The following RIMS1 variants were observed in gnomAD, a reference collection of about 807,000 sequenced individuals.
RIMS1 encodes regulating synaptic membrane exocytosis protein 1.
RIMS1 carries 83 observed loss-of-function variants against 214.1 expected under a neutral mutation model. The observed-to-expected ratio is 0.39, with a 90% CI of 0.32 to 0.47. The LOEUF (loss-of-function observed/expected upper bound fraction) is 0.47. Among genes scored for constraint, RIMS1 ranks in the 20% least tolerant of loss-of-function variants. The pLI is 0.99. For missense variants in RIMS1, 2,050 were observed against 2,161.8 expected (o/e 0.95, Z 1.03); for synonymous variants, 793 against 786.8 (o/e 1.01, Z -0.13).
At chr6:72,049,321 G>A (rs556120074) in intron 2 of RIMS1, among the ~76,000 whole-genome samples, 6 of 152,070 alleles carry the variant, frequency 3.9e-5, no homozygotes, top group South Asian at 4.2e-4. Context: ...TTCAGAGCCC[G>A]TATTTGGGAA....
Position 71,980,386 on chromosome 6 carries a change from A to C in RIMS1, c.245+11323A>C, listed in dbSNP as rs544836840. 2.0e-5 allele frequency among the ~76,000 whole-genome samples: 3 copies of C among 152,264 alleles called. No individual in the cohort carries two copies. The South Asian group carries it at 6.2e-4, about 32-fold the overall frequency. On this transcript the variant is annotated intron_variant, in intron 2 of 33. Transcript: ENST00000521978. Reference sequence around the variant, plus strand: ...GCACTCATGTATTATATGTATAACAAATCTTAAACATTATTAATGTGGGTA... The same window carrying C: ...GCACTCATGTATTATATGTATAACACATCTTAAACATTATTAATGTGGGTA...
At chr6:72,185,705 G>A (rs532783866) in intron 6 of RIMS1, among the ~76,000 whole-genome samples, 3 of 152,284 alleles carry the variant, frequency 2.0e-5, no homozygotes, top group South Asian at 2.1e-4. Flanking sequence ...GGTGGAAAAA[G>A]GATTGGTACC....
intron 1 of RIMS1, among the ~76,000 whole-genome samples, chr6:71,965,839 G>A (rs1246369386): frequency 6.6e-6 from 1 of 152,118 alleles, no homozygotes; most frequent in Non-Finnish European, 1.5e-5. Context: ...AGTCAGCATT[G>A]TGGCAGCTTT....
chr6:72,021,382 G>A (rs952856834), intron 2 of RIMS1, among the ~76,000 whole-genome samples: 1 of 152,214 alleles, frequency 6.6e-6, no homozygotes, highest in Admixed American at 6.5e-5. Context: ...GTATTTGCCA[G>A]TGATATACTC....
At chr6:72,237,285 G>C (rs2064599813) in intron 8 of RIMS1, among the ~76,000 whole-genome samples, 1 of 151,724 alleles carries the variant, frequency 6.6e-6, no homozygotes, top group South Asian at 2.1e-4. Context: ...AAAGAAAAGA[G>C]AAAGAAAGAA....
intron 2 of RIMS1, among the ~76,000 whole-genome samples, chr6:71,981,188 G>T (rs1798385367): frequency 6.6e-6 from 1 of 152,030 alleles, no homozygotes. Context: ...AACAATAACT[G>T]CAATTATATG....
chr6:72,152,766 A>G (rs1006104267), intron 4 of RIMS1, among the ~76,000 whole-genome samples: 2 of 125,848 alleles, frequency 1.6e-5, no homozygotes, highest in African/African-American at 6.3e-5. Context: ...TATATGGAAT[A>G]TATGTATATA....
In RIMS1 at chr6:72,182,852, G is replaced by T; in HGVS notation, c.1381G>T (p.Ala461Ser). 1.3e-6 allele frequency: 2 copies of T among 1,556,130 alleles called. No individual in the cohort carries two copies. The highest frequency in any genetic ancestry group is 1.7e-6 in the Non-Finnish European group (2 of 1,152,496). ...CAGACATGGGCCGGTTCCCGCAGAA[G>T]CCCCGGAGCTCAAAGCCCAGGAGCC... is the stretch of plus-strand genomic sequence containing the variant. ...APRHGPVPAEAPELKAQEPLR... is the reference protein window; with the variant it reads ...APRHGPVPAESPELKAQEPLR... The change falls in exon 6 of 34, where the codon GCC becomes TCC. Residue 461 changes from alanine (A) to serine (S), a missense_variant. This residue lies in a region of RIMS1 where 882 missense variants were observed against 828.9 expected (regional missense o/e 1.06). Coordinates refer to ENST00000521978, the MANE Select transcript of RIMS1 (RefSeq NM_014989.7).
intron 1 of RIMS1, among the ~76,000 whole-genome samples, chr6:71,936,191 G>C (rs1156838817): frequency 6.6e-6 from 1 of 151,560 alleles, no homozygotes; most frequent in Non-Finnish European, 1.5e-5. Context: ...GCCGGGCGTG[G>C]TAGCGGGCGC....
chr6:71,995,836 G>T (rs1803250407), intron 2 of RIMS1, among the ~76,000 whole-genome samples: 1 of 151,968 alleles, frequency 6.6e-6, no homozygotes, highest in South Asian at 2.1e-4. Context: ...GCTCAGGCTG[G>T]AGTGCAGTGG....
At chr6:71,967,901 C>A (rs1359561807) in intron 1 of RIMS1, among the ~76,000 whole-genome samples, 1 of 152,108 alleles carries the variant, frequency 6.6e-6, no homozygotes, top group African/African-American at 2.4e-5. Flanking sequence ...GAGAAATTTG[C>A]CATGCAGCCT....
intron 9 of RIMS1, among the ~76,000 whole-genome samples, chr6:72,240,760 G>A (rs2066506247): frequency 6.6e-6 from 1 of 150,970 alleles, no homozygotes; most frequent in Non-Finnish European, 1.5e-5. Context: ...TGTAATCCCA[G>A]CACTTTGGGA....
intron 4 of RIMS1, among the ~76,000 whole-genome samples, chr6:72,168,706 A>G (rs2046606883): frequency 7.0e-6 from 1 of 143,396 alleles, no homozygotes; most frequent in Non-Finnish European, 1.5e-5. Context: ...GAAGCTGCTG[A>G]TCACTAGTTT....
chr6:71,925,234 T>G (rs1781256557), intron 1 of RIMS1, among the ~76,000 whole-genome samples: 2 of 152,238 alleles, frequency 1.3e-5, no homozygotes, highest in South Asian at 4.1e-4. Context: ...TGATTAAATG[T>G]GACTCCGTCT....
rs189401661 is a variant in RIMS1, at chr6:72,111,039, G to A, written c.471+11053G>A. On this transcript the variant is annotated intron_variant, in intron 4 of 33. Coordinates refer to ENST00000521978, the MANE Select transcript of RIMS1 (RefSeq NM_014989.7). ...CCACCTCAAAACTATTCTTTAAAAAGCAAAGTAATTTTGATGAGTCTGTTT... is the reference window on the plus strand; with the variant it reads ...CCACCTCAAAACTATTCTTTAAAAAACAAAGTAATTTTGATGAGTCTGTTT... Among the ~76,000 whole-genome samples the A allele has an allele frequency of 4.4e-4, 67 of 152,260 alleles. 1 individual carries two copies. The highest frequency in any genetic ancestry group is 2.7e-3 in the Admixed American group (42 of 15,280).
chr6:72,204,958 A>G (rs1197367848), intron 6 of RIMS1, among the ~76,000 whole-genome samples: 1 of 152,086 alleles, frequency 6.6e-6, no homozygotes, highest in Non-Finnish European at 1.5e-5. Flanking sequence ...TTTAATGGCC[A>G]TGCATTTGGG....
intron 29 of RIMS1, among the ~76,000 whole-genome samples, chr6:72,344,724 G>GT (rs1011081620): frequency 1.3e-5 from 2 of 151,682 alleles, no homozygotes; most frequent in Non-Finnish European, 2.9e-5. Context: ...ATTCACTACT[G>GT]TTAATAGAGA....
intron 2 of RIMS1, among the ~76,000 whole-genome samples, chr6:72,070,437 A>C (rs1026422310): frequency 4.6e-5 from 7 of 152,220 alleles, no homozygotes; most frequent in African/African-American, 1.7e-4. Context: ...TGATTTCAAC[A>C]AAATATCATT....
rs2040181622 is a variant in RIMS1, at chr6:72,129,907, CTT to C, written c.471+29922_471+29923del. On this transcript the variant is annotated intron_variant, in intron 4 of 33. Transcript: ENST00000521978. ...CAGTGCAAAACTAGATCATTTGTAA[CTT>C]ATGATTTCTGTTCAATTATTGTGAT... Among the ~76,000 whole-genome samples the C allele has an allele frequency of 2.0e-5, 3 of 152,064 alleles. No homozygotes were observed. The South Asian group carries it at 6.2e-4, about 31-fold the overall frequency.
Sources: allele counts gnomAD v4.1 joint callset (sites outside exome capture counted in the v4.1 genomes callset), GRCh38; gene constraint gnomAD v4.1.1; regional missense constraint gnomAD v4.1.1; transcripts MANE v1.5; gene names NCBI Gene and HGNC (gene_info 2026-07-23, HGNC 2026-07-21).